Variants in MYO5A observed in about 807,000 individuals in gnomAD.
MYO5A encodes the protein myosin VA, also known as unconventional myosin-Va.
MYO5A carries 98 observed loss-of-function variants against 249.7 expected under a neutral mutation model. The ratio of observed to expected loss-of-function variants is 0.39; its 90% CI spans 0.33 to 0.46. The LOEUF (loss-of-function observed/expected upper bound fraction) is 0.46, where lower values mean the gene tolerates loss of function less well. Ranked by LOEUF, MYO5A falls within the 20% of genes least tolerant of loss-of-function variation. The pLI is 0.98. For synonymous variants in MYO5A, 778 were observed against 810.6 expected, an observed-to-expected ratio of 0.96 and a Z score of 0.68; for missense variants, 1,696 against 2,308.8, an observed-to-expected ratio of 0.73 and a Z score of 5.44.
At chr15:52,521,531 A>G (rs1253839996) in intron 1 of MYO5A, among the ~76,000 whole-genome samples, 2 of 152,192 alleles carry the variant, frequency 1.3e-5, no homozygotes, top group Non-Finnish European at 2.9e-5. Context: ...TGGCCACAGT[A>G]GTACATTAGG....
At chr15:52,402,858 C>G (rs1198965179) in intron 9 of MYO5A, among the ~76,000 whole-genome samples, 1 of 151,548 alleles carries the variant, frequency 6.6e-6, no homozygotes, top group Non-Finnish European at 1.5e-5. Flanking sequence ...AAGAAAAAAA[C>G]AAAAAAACAA....
intron 33 of MYO5A, among the ~76,000 whole-genome samples, 173 bp downstream of exon 33, chr15:52,337,637 G>A (rs1290601738): frequency 6.6e-6 from 1 of 152,200 alleles, no homozygotes; most frequent in African/African-American, 2.4e-5. Flanking sequence ...AATGGACTCA[G>A]GACACTGACA....
At chr15:52,444,877 T>C (rs531306836) in intron 1 of MYO5A, among the ~76,000 whole-genome samples, 2 of 152,280 alleles carry the variant, frequency 1.3e-5, no homozygotes, top group South Asian at 4.1e-4. Context: ...CATGGTAAGA[T>C]TTAAGGAATC....
intron 24 of MYO5A, among the ~76,000 whole-genome samples, chr15:52,361,600 T>C (rs962114072): frequency 6.6e-6 from 1 of 152,272 alleles, no homozygotes; most frequent in South Asian, 2.1e-4. Flanking sequence ...CTAATTTCTA[T>C]CTCATAGGGT....
At chr15:52,512,789 T>G (rs1425321059) in intron 1 of MYO5A, among the ~76,000 whole-genome samples, 1 of 152,208 alleles carries the variant, frequency 6.6e-6, no homozygotes. Context: ...AGACTCTCAA[T>G]TATGTTTTAA....
chr15:52,480,107 T>G (rs911289236), intron 1 of MYO5A, among the ~76,000 whole-genome samples: 1 of 152,194 alleles, frequency 6.6e-6, no homozygotes, highest in African/African-American at 2.4e-5. Context: ...TATATACAAT[T>G]TTTGTCAATT....
In MYO5A at chr15:52,351,570, C is replaced by G. The variant is rs59197798; in HGVS notation, c.3622-89G>C. The G allele has an allele frequency of 7.6e-3, 10,169 of 1,330,432 alleles. 635 individuals are homozygous for G. The African/African-American group carries it at 0.13, about 17-fold the overall frequency. 82.4% of individuals were successfully genotyped at this position (1,330,432 alleles called of 1,614,324 possible). A position where few individuals can be genotyped will look rare whatever the true frequency, so the allele number is the denominator to read the frequency against. ...CTTCTCCCAAGCTGGTAGAAGAATT[C>G]TGCTGAAAAAGTTCATCAGAGTTAC... is the stretch of plus-strand genomic sequence containing the variant. On this transcript the variant is annotated intron_variant, in intron 27 of 41. Coordinates refer to ENST00000399233, the MANE Select transcript of MYO5A (RefSeq NM_001382347.1).
rs13329278 is a variant in MYO5A, at chr15:52,359,977, T to C, written c.3414A>G (p.Ser1138=). The part of the protein sequence containing the change: ...SEIAEMEDIP[S]RTEEPSEKKV... ...GATGTCTAAACTGTACCTCTGTCCT[T>C]GATGGAATGTCTTCCATTTCTGCAA... is the stretch of plus-strand genomic sequence containing the variant. Residue 1138 remains serine (S), a synonymous_variant, in exon 25 of 42, where the codon TCA becomes TCG. Coordinates refer to ENST00000399233, the MANE Select transcript of MYO5A (RefSeq NM_001382347.1). The C allele has an allele frequency of 0.024, 38,814 of 1,605,090 alleles. 4,674 individuals are homozygous for C. In the African/African-American group the frequency reaches 0.34, roughly 14 times the overall value.
At chr15:52,328,278 C>A (rs1310039486) in intron 35 of MYO5A, among the ~76,000 whole-genome samples, 2 of 150,778 alleles carry the variant, frequency 1.3e-5, no homozygotes, top group African/African-American at 2.5e-5. Flanking sequence ...CAACTCTGCT[C>A]AGGCACATGA....
chr15:52,379,983 G>A, intron 16 of MYO5A, 75 bp from the exon 17 acceptor site: 2 of 1,480,738 alleles, frequency 1.4e-6, no homozygotes, highest in Non-Finnish European at 1.9e-6. Context: ...CTCAGTCAGG[G>A]TGTAAATTCT....
intron 1 of MYO5A, among the ~76,000 whole-genome samples, chr15:52,457,848 T>C (rs1056373766): frequency 1.3e-5 from 2 of 152,130 alleles, no homozygotes; most frequent in African/African-American, 4.8e-5. Context: ...AGCTACGATA[T>C]GGAATCAACC....
intron 34 of MYO5A, among the ~76,000 whole-genome samples, chr15:52,335,616 C>A (rs1370608257): frequency 6.6e-6 from 1 of 151,262 alleles, no homozygotes; most frequent in Middle Eastern, 3.5e-3. Flanking sequence ...CATAAACACA[C>A]TAATAGAAAA....
chr15:52,476,875 G>A (rs549303355), intron 1 of MYO5A, among the ~76,000 whole-genome samples: 34 of 151,932 alleles, frequency 2.2e-4, no homozygotes, highest in African/African-American at 8.0e-4. Context: ...TGTGTCTTGG[G>A]GTTGTTCTTC....
chr15:52,454,150 G>GA (rs1245669325), intron 1 of MYO5A, among the ~76,000 whole-genome samples: 3 of 152,086 alleles, frequency 2.0e-5, no homozygotes, highest in African/African-American at 7.2e-5. Context: ...TACGTAGACT[G>GA]AAAGTGAAGG....
In MYO5A at chr15:52,528,762, G is replaced by C. The variant is rs1175899250; in HGVS notation, c.27+18C>G. 5.3e-6 allele frequency: 8 copies of C among 1,503,670 alleles called. No homozygotes were observed. Among genetic ancestry groups the C allele is most frequent in the Non-Finnish European group, 7.1e-6 (8 of 1,133,226 alleles). 93.1% of individuals were successfully genotyped at this position (1,503,670 alleles called of 1,614,324 possible). On this transcript the variant is annotated intron_variant, in intron 1 of 41. Coordinates refer to ENST00000399233, the MANE Select transcript of MYO5A (RefSeq NM_001382347.1). ...CCGCACAGCCCCAGTCCTCGACGCC[G>C]GCCGCGGGGTGCCTTACCTTTGTGT... is the stretch of plus-strand genomic sequence containing the variant.
chr15:52,351,854 G>GC (rs1387708279), intron 27 of MYO5A, among the ~76,000 whole-genome samples: 2 of 152,214 alleles, frequency 1.3e-5, no homozygotes, highest in Non-Finnish European at 2.9e-5. Context: ...TGAGGGTCCA[G>GC]CTGGCCAGGA....
At chr15:52,355,644 T>C (rs1377787308) in intron 25 of MYO5A, among the ~76,000 whole-genome samples, 2 of 152,370 alleles carry the variant, frequency 1.3e-5, no homozygotes, top group Non-Finnish European at 2.9e-5. Context: ...TACTAAATAA[T>C]GTTTTATTTA....
intron 35 of MYO5A, among the ~76,000 whole-genome samples, chr15:52,328,347 T>C (rs979387100): frequency 1.3e-5 from 2 of 152,212 alleles, no homozygotes; most frequent in African/African-American, 4.8e-5. Context: ...TTTTTGGAAG[T>C]TGTCCCCATC....
At chr15:52,399,862 T>C (rs539067360) in intron 9 of MYO5A, among the ~76,000 whole-genome samples, 247 of 152,310 alleles carry the variant, frequency 1.6e-3, no homozygotes, top group African/African-American at 5.7e-3. Flanking sequence ...TTTATGACCA[T>C]GTGCACCCAA....
Sources: gnomAD v4.1 joint callset for allele counts (sites outside exome capture counted in the v4.1 genomes callset) on GRCh38, gnomAD v4.1.1 for gene constraint, MANE v1.5 for transcripts, NCBI Gene and HGNC (gene_info 2026-07-23, HGNC 2026-07-21) for gene names.